The following FAM168A variants were observed in gnomAD, a reference collection of about 807,000 sequenced individuals.
FAM168A encodes protein FAM168A.
In FAM168A, 3 loss-of-function variants were observed where a neutral mutation model predicts 28.5. The observed-to-expected ratio is 0.11, with a 90% CI of 0.05 to 0.27. The LOEUF is 0.27. FAM168A is among the 10% of genes least tolerant of loss of function. The pLI, the probability that FAM168A is intolerant of heterozygous loss-of-function variation, is 1.00. For missense variants in FAM168A, 222 were observed against 311.5 expected, an observed-to-expected ratio of 0.71 and a Z score of 2.16; for synonymous variants, 122 against 124.2, an observed-to-expected ratio of 0.98 and a Z score of 0.12.
Position 73,407,522 on chromosome 11 carries a change from C to G in FAM168A, c.*9G>C. The G allele has an allele frequency of 1.2e-5, 19 of 1,568,298 alleles. No homozygotes were observed. Among genetic ancestry groups the G allele is most frequent in the Non-Finnish European group, 1.6e-5 (19 of 1,163,154 alleles). On this transcript the variant is annotated 3_prime_UTR_variant, in exon 7 of 8. Coordinates refer to ENST00000356467, the MANE Select transcript of FAM168A (RefSeq NM_015159.3). ...CCCTGGCCACACTCACTTGGATGGG[C>G]TGCAGGCTTTACCAGTGTGGGGGCA...
chr11:73,578,766 C>G (rs1944206099), intron 1 of FAM168A, among the ~76,000 whole-genome samples: 1 of 152,134 alleles, frequency 6.6e-6, no homozygotes, highest in South Asian at 2.1e-4. Flanking sequence ...AAAGAATAAA[C>G]AGTAAAGTCT....
chr11:73,560,691 CTG>C (rs1943948460), intron 1 of FAM168A, among the ~76,000 whole-genome samples: 4 of 152,172 alleles, frequency 2.6e-5, no homozygotes, highest in Admixed American at 2.6e-4. Context: ...TGCAAAGAAA[CTG>C]GACTTCTCAT....
chr11:73,438,250 G>A (rs1867128191), intron 2 of FAM168A, among the ~76,000 whole-genome samples: 1 of 152,166 alleles, frequency 6.6e-6, no homozygotes, highest in Non-Finnish European at 1.5e-5. Context: ...TTAATCTCTA[G>A]CAGTAATATA....
At chr11:73,516,861 T>A (rs1305349890) in intron 1 of FAM168A, among the ~76,000 whole-genome samples, 1 of 152,206 alleles carries the variant, frequency 6.6e-6, no homozygotes, top group East Asian at 1.9e-4. Flanking sequence ...ATTATGCACT[T>A]TCTATGTGCC....
intron 2 of FAM168A, among the ~76,000 whole-genome samples, chr11:73,444,192 A>G (rs892843247): frequency 6.6e-6 from 1 of 152,262 alleles, no homozygotes; most frequent in Non-Finnish European, 1.5e-5. Flanking sequence ...GATGGCATGC[A>G]AAGCAACTAG....
chr11:73,588,499 T>C (rs909683693), intron 1 of FAM168A, among the ~76,000 whole-genome samples: 4 of 152,130 alleles, frequency 2.6e-5, no homozygotes, highest in African/African-American at 9.7e-5. Context: ...GAGACCAGCC[T>C]GGGCAACACA....
Position 73,407,549 on chromosome 11 carries a change from G to A in FAM168A, c.690C>T (p.Tyr230=), listed in dbSNP as rs374037531. The change falls in exon 7 of 8, where the codon TAC becomes TAT. Residue 230 remains tyrosine, a synonymous_variant. Transcript: ENST00000356467. ...GCAGGCTTTACCAGTGTGGGGGCAC[G>A]TAGCTGTACGCAGGGGTTCCTTGGG... is the stretch of plus-strand genomic sequence containing the variant. ...YRAQGTPAYS[Y]VPPHW The A allele has an allele frequency of 1.2e-5, 19 of 1,594,538 alleles. No individual in the cohort carries two copies. The highest frequency in any genetic ancestry group is 2.3e-5 in the South Asian group (2 of 88,024).
intron 1 of FAM168A, among the ~76,000 whole-genome samples, chr11:73,498,656 T>C (rs1002446667): frequency 1.3e-5 from 2 of 152,120 alleles, no homozygotes; most frequent in African/African-American, 4.8e-5. Flanking sequence ...TTTCTATAGC[T>C]CCAGGCTGTG....
intron 5 of FAM168A, 33 bp downstream of exon 5, chr11:73,411,361 C>A (rs1326331108): frequency 6.4e-7 from 1 of 1,552,408 alleles, no homozygotes; most frequent in Non-Finnish European, 8.7e-7. Flanking sequence ...GGCTCCTCTA[C>A]CTGCAGAAGA....
At chr11:73,416,245 T>A (rs1400589712) in intron 4 of FAM168A, among the ~76,000 whole-genome samples, 1 of 152,258 alleles carries the variant, frequency 6.6e-6, no homozygotes, top group Non-Finnish European at 1.5e-5. Flanking sequence ...AAAAAGAGTA[T>A]GTACATTAAC....
chr11:73,588,833 GT>G (rs1195397179), intron 1 of FAM168A, among the ~76,000 whole-genome samples: 12 of 152,146 alleles, frequency 7.9e-5, no homozygotes, highest in African/African-American at 2.9e-4. Context: ...TTATAATTAG[GT>G]TTAGATTAGG....
chr11:73,488,945 G>C (rs1868091303), intron 1 of FAM168A, among the ~76,000 whole-genome samples: 1 of 152,084 alleles, frequency 6.6e-6, no homozygotes, highest in Non-Finnish European at 1.5e-5. Flanking sequence ...CTGGAGTGCA[G>C]TGGTGCGATC....
At position 73,445,419 on chromosome 11, in the gene FAM168A, C is replaced by CTTTTTTTTTTTTTTTTTTTTTTTT. The variant is rs56294455; in HGVS notation, c.71-14673_71-14650dup. On this transcript the variant is annotated intron_variant, in intron 2 of 7. Transcript: ENST00000356467. ...CCAGTAGATATATGTAAAAATGTCT[C>CTTTTTTTTTTTTTTTTTTTTTTTT]TTTTTTTTTTTTTTTTTTTTTTTTT... Among the ~76,000 whole-genome samples, 14 of 50,458 alleles carry CTTTTTTTTTTTTTTTTTTTTTTTT rather than the reference C, an allele frequency of 2.8e-4. 3 individuals carry two copies. The highest frequency in any genetic ancestry group is 9.3e-4 in the African/African-American group (13 of 14,030). The allele number at this position is 50,458 out of a possible 152,430, so 33.1% of individuals were successfully genotyped here. A position where few individuals can be genotyped will look rare whatever the true frequency, so the allele number is the denominator to read the frequency against.
At chr11:73,453,177 G>A (rs112177517) in intron 2 of FAM168A, among the ~76,000 whole-genome samples, 48 of 152,308 alleles carry the variant, frequency 3.2e-4, no homozygotes, top group African/African-American at 1.0e-3. Flanking sequence ...TCCAAAACAC[G>A]GTGTATGGCC....
At chr11:73,425,953 T>C (rs1383706210) in intron 3 of FAM168A, among the ~76,000 whole-genome samples, 1 of 152,212 alleles carries the variant, frequency 6.6e-6, no homozygotes, top group East Asian at 1.9e-4. Context: ...AAAATGAATG[T>C]TTGTAACATG....
chr11:73,507,359 T>C (rs1055571288), intron 1 of FAM168A, among the ~76,000 whole-genome samples: 1 of 152,106 alleles, frequency 6.6e-6, no homozygotes, highest in Admixed American at 6.5e-5. Context: ...GATATAAAAA[T>C]AAGACAGTTA....
At chr11:73,433,252 C>T (rs1459826664) in intron 2 of FAM168A, among the ~76,000 whole-genome samples, 3 of 151,796 alleles carry the variant, frequency 2.0e-5, no homozygotes, top group East Asian at 1.9e-4. Context: ...TGCTGTTACA[C>T]TGCAGAAGTT....
chr11:73,527,231 T>C, intron 1 of FAM168A, among the ~76,000 whole-genome samples: 1 of 152,110 alleles, frequency 6.6e-6, no homozygotes, highest in African/African-American at 2.4e-5. Flanking sequence ...AGGAAACTCA[T>C]GGGGAAACGA....
intron 1 of FAM168A, among the ~76,000 whole-genome samples, chr11:73,478,937 G>A (rs1300208010): frequency 6.6e-6 from 1 of 152,164 alleles, no homozygotes. Context: ...CCACTAGATG[G>A]CAACATGCTC....
Sources: gnomAD v4.1 joint callset for allele counts (sites outside exome capture counted in the v4.1 genomes callset) on GRCh38, gnomAD v4.1.1 for gene constraint, MANE v1.5 for transcripts, NCBI Gene and HGNC (gene_info 2026-07-23, HGNC 2026-07-21) for gene names.